CPA3: variants seen among roughly 807,000 people sequenced by gnomAD.
CPA3 encodes the protein mast cell carboxypeptidase A.
A neutral mutation model predicts 55.8 loss-of-function variants in CPA3; 52 were observed. The ratio of observed to expected loss-of-function variants is 0.93; its 90% CI spans 0.75 to 1.17. The LOEUF (loss-of-function observed/expected upper bound fraction) is 1.17. Among genes scored for constraint, CPA3 ranks in the 50% most tolerant of loss-of-function variants. The pLI is 0.00. For synonymous variants in CPA3, 179 were observed against 171.2 expected, an observed-to-expected ratio of 1.05 and a Z score of -0.36; for missense variants, 547 against 509.1, an observed-to-expected ratio of 1.07 and a Z score of -0.72.
chr3:148,873,165 G>T (rs559753753), intron 3 of CPA3, among the ~76,000 whole-genome samples: 2 of 152,224 alleles, frequency 1.3e-5, no homozygotes, highest in South Asian at 4.1e-4. Flanking sequence ...ATCCATGTCA[G>T]TAAGTGTAGA....
chr3:148,879,211 C>T (rs1234821109), intron 5 of CPA3, among the ~76,000 whole-genome samples: 1 of 152,198 alleles, frequency 6.6e-6, no homozygotes, highest in Non-Finnish European at 1.5e-5. Context: ...GATTTTTGCA[C>T]ATCCAAAGAT....
In CPA3 at chr3:148,868,902, C is replaced by T. The variant is rs1713981062; in HGVS notation, c.145-13C>T. On this transcript the variant is annotated splice_polypyrimidine_tract_variant and intron_variant, in intron 2 of 10. Coordinates refer to ENST00000296046, the MANE Select transcript of CPA3 (RefSeq NM_001870.4). ...CAAATAAACTCTGACTAACATTGAG[C>T]TTATCTCTGCAGCTTGACTTCTGGT... 2 of 1,612,246 alleles carry T rather than the reference C, an allele frequency of 1.2e-6. No homozygotes were observed. The highest frequency in any genetic ancestry group is 1.7e-6 in the Non-Finnish European group (2 of 1,179,478).
chr3:148,882,399 T>C (rs760534715), intron 7 of CPA3, 106 bp from the exon 8 acceptor site: 419 of 750,296 alleles, frequency 5.6e-4, no homozygotes, highest in Non-Finnish European at 7.5e-4. Context: ...GTTAACTAGA[T>C]AGATTTCAAA....
chr3:148,870,731 T>G (rs1280758882), intron 3 of CPA3, among the ~76,000 whole-genome samples: 1 of 152,188 alleles, frequency 6.6e-6, no homozygotes. Context: ...ACTAAGTTTT[T>G]CTGTTTTTAT....
intron 6 of CPA3, 42 bp downstream of exon 6, chr3:148,879,931 A>G (rs772457017): frequency 6.7e-6 from 9 of 1,344,938 alleles, no homozygotes; most frequent in Non-Finnish European, 9.6e-6. Context: ...TTGACTGCCA[A>G]GTCTCCAGCA....
intron 10 of CPA3, among the ~76,000 whole-genome samples, chr3:148,895,132 G>T (rs1183822644): frequency 6.6e-6 from 1 of 152,054 alleles, no homozygotes; most frequent in African/African-American, 2.4e-5. Context: ...GTACTAGAAG[G>T]CCTCCAAAAG....
Position 148,881,542 on chromosome 3 carries a change from A to T in CPA3, c.597A>T (p.Arg199Ser). The change falls in exon 7 of 11, where the codon AGA (arginine) becomes AGT (serine). Residue 199 changes from arginine (R) to serine (S), a missense_variant. Coordinates refer to ENST00000296046, the MANE Select transcript of CPA3 (RefSeq NM_001870.4). ...FVYQATKTYGRNKIMTKLLDR... is the reference protein window; with the variant it reads ...FVYQATKTYGSNKIMTKLLDR... ...GACAGGCAACCAAAACTTATGGGAG[A>T]AACAAAATTATGACCAAACTCTTGG... is the stretch of plus-strand genomic sequence containing the variant. 6.2e-7 allele frequency: 1 copy of T among 1,612,070 alleles called. No homozygotes were observed. Among genetic ancestry groups the T allele is most frequent in the Non-Finnish European group, 8.5e-7 (1 of 1,178,898 alleles).
chr3:148,889,826 C>T (rs372077284), intron 10 of CPA3, among the ~76,000 whole-genome samples: 294 of 147,604 alleles, frequency 2.0e-3, no homozygotes, highest in Admixed American at 4.6e-3. Context: ...GCCAAGATCA[C>T]GCCACTGCAC....
intron 9 of CPA3, among the ~76,000 whole-genome samples, chr3:148,885,036 C>A (rs1030223855): frequency 6.6e-5 from 10 of 152,074 alleles, no homozygotes; most frequent in African/African-American, 2.4e-4. Flanking sequence ...TTCTGACAAT[C>A]ACTCTCATAG....
At chr3:148,877,503 AG>A in intron 3 of CPA3, among the ~76,000 whole-genome samples, 1 of 151,770 alleles carries the variant, frequency 6.6e-6, no homozygotes, top group East Asian at 1.9e-4. Flanking sequence ...TAAAAAAAAA[AG>A]AAAGAAAGAA....
At chr3:148,896,106 A>C (rs1714819569) in intron 10 of CPA3, among the ~76,000 whole-genome samples, 2 of 152,152 alleles carry the variant, frequency 1.3e-5, no homozygotes, top group Admixed American at 1.3e-4. Flanking sequence ...AAAACAAGAG[A>C]CCTAAGCTAT....
rs866008530 is a variant in CPA3, at chr3:148,881,457, C to A, written c.577-65C>A. 9.4e-5 allele frequency: 89 copies of A among 946,112 alleles called. No individual in the cohort carries two copies. The Middle Eastern group carries it at 3.9e-3, about 41-fold the overall frequency. The allele number at this position is 946,112 out of a possible 1,614,324, so 58.6% of individuals were successfully genotyped here. A position where few individuals can be genotyped will look rare whatever the true frequency, so the allele number is the denominator to read the frequency against. ...GTGACTCAAGTTATTACTATTATAACCACAGCTTTCCACATAATAGCTAAA... is the reference window on the plus strand; with the variant it reads ...GTGACTCAAGTTATTACTATTATAAACACAGCTTTCCACATAATAGCTAAA... On this transcript the variant is annotated intron_variant, in intron 6 of 10. Coordinates refer to ENST00000296046, the MANE Select transcript of CPA3 (RefSeq NM_001870.4).
At chr3:148,893,505 T>A (rs1404542375) in intron 10 of CPA3, among the ~76,000 whole-genome samples, 1 of 151,594 alleles carries the variant, frequency 6.6e-6, no homozygotes, top group Non-Finnish European at 1.5e-5. Context: ...CAAAAATAAA[T>A]AACTAAACAA....
intron 3 of CPA3, among the ~76,000 whole-genome samples, chr3:148,877,738 T>C (rs557208142): frequency 1.6e-4 from 24 of 152,196 alleles, no homozygotes; most frequent in Non-Finnish European, 2.9e-4. Flanking sequence ...GAATTAATAA[T>C]GTACATATGG....
chr3:148,879,279 C>T (rs527663981), intron 5 of CPA3, among the ~76,000 whole-genome samples: 2 of 152,148 alleles, frequency 1.3e-5, no homozygotes, highest in Non-Finnish European at 2.9e-5. Context: ...CCCAAACCCC[C>T]ATTCATTCAT....
chr3:148,890,461 T>C (rs1446316381), intron 10 of CPA3, among the ~76,000 whole-genome samples: 2 of 152,156 alleles, frequency 1.3e-5, no homozygotes, highest in East Asian at 1.9e-4. Context: ...AACCCAGTGC[T>C]CTTTTTCCAT....
chr3:148,869,136 GC>G (rs1310344854), intron 3 of CPA3, 97 bp downstream of exon 3: 2 of 1,385,150 alleles, frequency 1.4e-6, no homozygotes, highest in African/African-American at 1.4e-5. Flanking sequence ...TTTTAATTGG[GC>G]CCCCCAGAAC....
chr3:148,873,060 A>ACACG (rs1553768977), intron 3 of CPA3, among the ~76,000 whole-genome samples: 27 of 140,090 alleles, frequency 1.9e-4, no homozygotes, highest in African/African-American at 7.3e-4. Context: ...ACACACACAC[A>ACACG]CTCACACAGA....
At chr3:148,887,700 T>C (rs1177792548) in intron 10 of CPA3, among the ~76,000 whole-genome samples, 3 of 152,314 alleles carry the variant, frequency 2.0e-5, no homozygotes, top group Non-Finnish European at 2.9e-5. Context: ...AAAAACTACC[T>C]TTTCTCCAAA....
Sources: gnomAD v4.1 joint callset for allele counts (sites outside exome capture counted in the v4.1 genomes callset) on GRCh38, gnomAD v4.1.1 for gene constraint, MANE v1.5 for transcripts, NCBI Gene and HGNC (gene_info 2026-07-23, HGNC 2026-07-21) for gene names.